The following LRP1B variants were observed in gnomAD, a reference collection of about 807,000 sequenced individuals.
The protein encoded by LRP1B is low-density lipoprotein receptor-related protein 1B.
Under a neutral mutation model 556.6 loss-of-function variants are expected in LRP1B, and 217 were observed. That is an observed-to-expected ratio of 0.39 (90% CI 0.35 to 0.44). The LOEUF is 0.44. LRP1B is among the 20% of genes least tolerant of loss of function. The probability of loss-of-function intolerance (pLI) is 1.00; values close to 1 mark genes in which losing one functional copy is unlikely to be tolerated. For synonymous variants in LRP1B, 2,047 were observed against 1,865.8 expected (o/e 1.10, Z -2.50); for missense variants, 5,053 against 5,620.8 (o/e 0.90, Z 3.23).
chr2:140,748,373 G>A (rs1253327668), intron 35 of LRP1B, among the ~76,000 whole-genome samples: 2,323 of 72,042 alleles, frequency 0.032, 120 homozygotes, highest in Non-Finnish European at 0.048. Flanking sequence ...ATTTATATAT[G>A]TATATATATT....
intron 28 of LRP1B, 33 bp downstream of exon 28, chr2:140,851,619 T>G: frequency 1.3e-6 from 2 of 1,591,864 alleles, no homozygotes; most frequent in South Asian, 2.3e-5. Context: ...TCAATTTTGT[T>G]TTTATTTTCG....
chr2:142,109,950 T>C (rs1274073725), intron 1 of LRP1B, among the ~76,000 whole-genome samples: 2 of 152,094 alleles, frequency 1.3e-5, no homozygotes, highest in Non-Finnish European at 2.9e-5. Context: ...CATTTAAAAG[T>C]GATGCTTGGT....
chr2:142,120,623 C>T (rs1215388668), intron 1 of LRP1B, among the ~76,000 whole-genome samples: 1 of 152,094 alleles, frequency 6.6e-6, no homozygotes, highest in African/African-American at 2.4e-5. Context: ...CAAACAAACC[C>T]AAATAAGTCT....
chr2:140,903,276 G>T (rs983813546), intron 22 of LRP1B, 111 bp from the exon 23 acceptor site: 4 of 1,255,876 alleles, frequency 3.2e-6, no homozygotes, highest in South Asian at 3.0e-5. Context: ...TACTACAAAT[G>T]AATATAAGAA....
At chr2:141,329,815 A>G (rs915809198) in intron 3 of LRP1B, among the ~76,000 whole-genome samples, 2 of 152,172 alleles carry the variant, frequency 1.3e-5, no homozygotes, top group African/African-American at 4.8e-5. Context: ...GCTTGTTTAA[A>G]GTATTTTATT....
intron 24 of LRP1B, among the ~76,000 whole-genome samples, chr2:140,884,443 C>A (rs1318060720): frequency 6.6e-6 from 1 of 152,064 alleles, no homozygotes; most frequent in African/African-American, 2.4e-5. Flanking sequence ...AAGAAAAAGC[C>A]CACCAGAGCT....
intron 41 of LRP1B, among the ~76,000 whole-genome samples, chr2:140,646,302 G>C (rs577611093): frequency 6.6e-6 from 1 of 152,186 alleles, no homozygotes; most frequent in African/African-American, 2.4e-5. Flanking sequence ...CTGGCAGGTA[G>C]ACCTGATCAC....
chr2:141,449,033 A>G lies in LRP1B; in HGVS notation c.343+31363T>C, dbSNP rs114177452. On this transcript the variant is annotated intron_variant, in intron 3 of 90. Coordinates refer to ENST00000389484, the MANE Select transcript of LRP1B (RefSeq NM_018557.3). ...TTAATCATTTGTAGATTTAAATGTCATATCATAGGTAACATTTACATGGTA... is the reference window on the plus strand; with the variant it reads ...TTAATCATTTGTAGATTTAAATGTCGTATCATAGGTAACATTTACATGGTA... Among the ~76,000 whole-genome samples the G allele has an allele frequency of 4.1e-3, 632 of 152,364 alleles. 1 individual carries two copies. Among genetic ancestry groups the G allele is most frequent in the Non-Finnish European group, 7.5e-3 (508 of 68,034 alleles).
At chr2:140,518,558 A>T (rs1690016495) in intron 49 of LRP1B, among the ~76,000 whole-genome samples, 1 of 152,198 alleles carries the variant, frequency 6.6e-6, no homozygotes, top group Non-Finnish European at 1.5e-5. Context: ...TACTGAGGTA[A>T]AGAATGTGTT....
intron 2 of LRP1B, among the ~76,000 whole-genome samples, chr2:141,745,639 C>G (rs1453287777): frequency 6.6e-6 from 1 of 151,964 alleles, no homozygotes; most frequent in Non-Finnish European, 1.5e-5. Context: ...AGGCCTGGAA[C>G]TGGGTACTCC....
intron 29 of LRP1B, among the ~76,000 whole-genome samples, chr2:140,842,805 G>A (rs529480418): frequency 9.9e-5 from 15 of 152,036 alleles, no homozygotes; most frequent in African/African-American, 2.9e-4. Flanking sequence ...GCCTATTTTT[G>A]TCATTAATCA....
intron 32 of LRP1B, among the ~76,000 whole-genome samples, chr2:140,804,640 T>TA (rs1210775455): frequency 4.6e-5 from 6 of 129,860 alleles, no homozygotes; most frequent in Non-Finnish European, 9.6e-5. Context: ...TTAGTGTAGG[T>TA]AAAAACTAAT....
chr2:141,084,673 G>A (rs1700005221), intron 7 of LRP1B, among the ~76,000 whole-genome samples: 2 of 146,694 alleles, frequency 1.4e-5, no homozygotes, highest in South Asian at 2.2e-4. Context: ...TTTTTCAGAC[G>A]GAGTCTCGCT....
At chr2:140,772,515 G>A (rs1254796485) in intron 33 of LRP1B, among the ~76,000 whole-genome samples, 11 of 151,978 alleles carry the variant, frequency 7.2e-5, no homozygotes, top group Admixed American at 7.2e-4. Context: ...TCACCATGTT[G>A]GCCAGGCTAG....
At position 140,370,141 on chromosome 2, in the gene LRP1B, C is replaced by T. The variant is rs75111344; in HGVS notation, c.11008+569G>A. On this transcript the variant is annotated intron_variant, in intron 71 of 90. Coordinates refer to ENST00000389484, the MANE Select transcript of LRP1B (RefSeq NM_018557.3). ...GTTATCTGTCAGAAAATAATCTTCG[C>T]ACAGCTAGGAAATAATATATGACAA... Among the ~76,000 whole-genome samples the T allele has an allele frequency of 2.5e-4, 38 of 152,002 alleles. No homozygotes were observed. In the East Asian group the frequency reaches 5.4e-3, roughly 22 times the overall value.
Position 140,364,582 on chromosome 2 carries a change from C to A in LRP1B, c.11131+79G>T. The A allele has an allele frequency of 4.6e-6, 7 of 1,525,478 alleles. No individual in the cohort carries two copies. In the South Asian group the frequency reaches 8.6e-5, roughly 19 times the overall value. 94.5% of individuals were successfully genotyped at this position (1,525,478 alleles called of 1,614,324 possible). On this transcript the variant is annotated intron_variant, in intron 72 of 90. Transcript: ENST00000389484. The stretch of plus-strand genomic sequence containing the variant: ...CAGGATGGTATAATTGGTAGTTCAC[C>A]TCCCCACTTCATTGATTCATGCTGG...
intron 11 of LRP1B, among the ~76,000 whole-genome samples, chr2:141,034,923 C>T (rs1698486653): frequency 6.6e-6 from 1 of 151,924 alleles, no homozygotes; most frequent in Admixed American, 6.6e-5. Context: ...TTTATTGCGG[C>T]ACTATTCACA....
intron 41 of LRP1B, among the ~76,000 whole-genome samples, chr2:140,678,987 G>C (rs1157149033): frequency 6.6e-6 from 1 of 152,064 alleles, no homozygotes; most frequent in East Asian, 1.9e-4. Flanking sequence ...ATGGTGGCCA[G>C]GCTGGTCTTG....
At chr2:141,494,633 A>C (rs1683451419) in intron 2 of LRP1B, among the ~76,000 whole-genome samples, 1 of 151,704 alleles carries the variant, frequency 6.6e-6, no homozygotes, top group Non-Finnish European at 1.5e-5. Flanking sequence ...ACCATTAAAC[A>C]ACTGCTAAAT....
Sources: allele counts gnomAD v4.1 joint callset (sites outside exome capture counted in the v4.1 genomes callset), GRCh38; gene constraint gnomAD v4.1.1; transcripts MANE v1.5; gene names NCBI Gene and HGNC (gene_info 2026-07-23, HGNC 2026-07-21).